Variants in DMTF1 observed in about 807,000 individuals in gnomAD.
The protein encoded by DMTF1 is cyclin-D-binding Myb-like transcription factor 1.
Under a neutral mutation model 91.1 loss-of-function variants are expected in DMTF1, and 39 were observed. The ratio of observed to expected loss-of-function variants is 0.43; its 90% CI spans 0.33 to 0.56. The LOEUF is 0.56. Among genes scored for constraint, DMTF1 ranks in the 20% least tolerant of loss-of-function variants. DMTF1 has a pLI of 0.05. For synonymous variants in DMTF1, 338 were observed against 309.5 expected, an observed-to-expected ratio of 1.09 and a Z score of -0.97; for missense variants, 750 against 914.5, an observed-to-expected ratio of 0.82 and a Z score of 2.32.
chr7:87,179,905 G>A (rs1796975108), intron 8 of DMTF1, among the ~76,000 whole-genome samples: 1 of 152,070 alleles, frequency 6.6e-6, no homozygotes, highest in South Asian at 2.1e-4. Context: ...CTTTATATAG[G>A]TTAGATTTAA....
At chr7:87,154,400 C>T (rs550741507) in intron 1 of DMTF1, 4 of 152,744 alleles carry the variant, frequency 2.6e-5, no homozygotes, top group East Asian at 1.9e-4. Context: ...TTGATAGGCT[C>T]ACCCCAAAAT....
chr7:87,176,039 G>A (rs1796188575), intron 7 of DMTF1, among the ~76,000 whole-genome samples: 1 of 151,924 alleles, frequency 6.6e-6, no homozygotes, highest in South Asian at 2.1e-4. Context: ...AGCATCATTT[G>A]GGGAAGGATG....
chr7:87,188,127 C>G lies in DMTF1; in HGVS notation c.1237C>G (p.Gln413Glu). The G allele has an allele frequency of 6.2e-7, 1 of 1,613,572 alleles. No homozygotes were observed. The highest frequency in any genetic ancestry group is 8.5e-7 in the Non-Finnish European group (1 of 1,179,788). ...IKGLKQLHEN[Q>E]KNNPTLLENK... is the part of the protein sequence containing the mutation. ...AGGTCTTAAACAGTTACATGAGAAC[C>G]AAAAAAACAACCCAACGCTTTTGGA... is the stretch of plus-strand genomic sequence containing the variant. The change falls in exon 13 of 18, where the codon CAA (glutamine) becomes GAA (glutamate). Residue 413 changes from glutamine to glutamate, a missense_variant. Transcript: ENST00000331242.
chr7:87,168,042 A>C (rs754769580), intron 4 of DMTF1, among the ~76,000 whole-genome samples: 5 of 152,326 alleles, frequency 3.3e-5, no homozygotes, highest in Non-Finnish European at 5.9e-5. Flanking sequence ...CAGATAATAG[A>C]GGTATGTTGA....
chr7:87,169,925 G>A (rs1296687004), intron 4 of DMTF1, among the ~76,000 whole-genome samples: 1 of 152,074 alleles, frequency 6.6e-6, no homozygotes, highest in Admixed American at 6.5e-5. Context: ...TCAACTCAAG[G>A]TTTTAAATAC....
chr7:87,153,678 C>T (rs886332776), intron 1 of DMTF1, among the ~76,000 whole-genome samples: 1 of 152,046 alleles, frequency 6.6e-6, no homozygotes, highest in African/African-American at 2.4e-5. Flanking sequence ...TTCTGACAGT[C>T]GAGGCTGCAT....
chr7:87,184,424 G>C lies in DMTF1; in HGVS notation c.848G>C (p.Arg283Thr), dbSNP rs1397624462. The C allele has an allele frequency of 3.7e-6, 6 of 1,613,852 alleles. No homozygotes were observed. The Admixed American group carries it at 5.0e-5, about 13-fold the overall frequency. ...TGKWTEEEEKRLAEVVHELTS... is the reference protein window; with the variant it reads ...TGKWTEEEEKTLAEVVHELTS... ...AAGTGGACAGAAGAAGAAGAAAAGA[G>C]ACTTGCAGAAGTGGTTCATGAGTTG... Residue 283 changes from arginine to threonine, a missense_variant, in exon 11 of 18, where the codon AGA (arginine) becomes ACA (threonine). Coordinates refer to ENST00000331242, the MANE Select transcript of DMTF1 (RefSeq NM_001142327.2).
At chr7:87,159,773 A>G (rs187593699) in intron 1 of DMTF1, among the ~76,000 whole-genome samples, 4 of 152,368 alleles carry the variant, frequency 2.6e-5, no homozygotes, top group Admixed American at 1.3e-4. Flanking sequence ...TAGAAAATAC[A>G]CAGACCTGTA....
chr7:87,184,332 A>G, intron 10 of DMTF1, 65 bp from the exon 11 acceptor site: 2 of 1,442,322 alleles, frequency 1.4e-6, no homozygotes, highest in East Asian at 2.3e-5. Context: ...CCTTGTAAAT[A>G]GAGGGCTGAA....
intron 13 of DMTF1, among the ~76,000 whole-genome samples, chr7:87,189,674 G>A (rs1799295434): frequency 6.6e-6 from 1 of 151,998 alleles, no homozygotes; most frequent in South Asian, 2.1e-4. Flanking sequence ...CGTTTTTTAG[G>A]TTAGGGAACA....
At chr7:87,164,054 T>A (rs1584240513) in intron 2 of DMTF1, among the ~76,000 whole-genome samples, 2 of 73,476 alleles carry the variant, frequency 2.7e-5, no homozygotes, top group East Asian at 4.1e-4. Context: ...ACGCCTTCTC[T>A]AAAAAAAAAA....
Position 87,195,178 on chromosome 7 carries a change from C to A in DMTF1, c.*38C>A. 7.0e-7 allele frequency: 1 copy of A among 1,427,710 alleles called. No homozygotes were observed. Among genetic ancestry groups the A allele is most frequent in the Non-Finnish European group, 9.9e-7 (1 of 1,014,718 alleles). 88.4% of individuals were successfully genotyped at this position (1,427,710 alleles called of 1,614,324 possible). ...AAATAGGCAGTTCAAGCAAAGAAGG[C>A]ACACTGTTAATTACAACCTCTTCAA... On this transcript the variant is annotated 3_prime_UTR_variant, in exon 18 of 18. Coordinates refer to ENST00000331242, the MANE Select transcript of DMTF1 (RefSeq NM_001142327.2).
In DMTF1 at chr7:87,195,704, A is replaced by C. The variant is rs1156450046; in HGVS notation, c.*564A>C. The stretch of plus-strand genomic sequence containing the variant: ...GCTGGCAGTGGGAGCTGATTTAGGC[A>C]GGGTAAACAGGAAAGCATTAAAAGT... On this transcript the variant is annotated 3_prime_UTR_variant, in exon 18 of 18. Coordinates refer to ENST00000331242, the MANE Select transcript of DMTF1 (RefSeq NM_001142327.2). 1 of 152,578 alleles carries C rather than the reference A, an allele frequency of 6.6e-6. No individual in the cohort carries two copies. The highest frequency in any genetic ancestry group is 1.9e-4 in the East Asian group (1 of 5,192). The allele number at this position is 152,578 out of a possible 1,614,324, so 9.5% of individuals were successfully genotyped here.
At chr7:87,169,647 C>A (rs1306883411) in intron 4 of DMTF1, among the ~76,000 whole-genome samples, 2 of 152,180 alleles carry the variant, frequency 1.3e-5, no homozygotes, top group Non-Finnish European at 2.9e-5. Context: ...CAAAGACCTT[C>A]TTGTTGCCAA....
chr7:87,176,851 G>A (rs1279428349), intron 7 of DMTF1, among the ~76,000 whole-genome samples: 1 of 152,032 alleles, frequency 6.6e-6, no homozygotes, highest in Non-Finnish European at 1.5e-5. Context: ...CAGAGAATTC[G>A]AATTAATTGG....
intron 4 of DMTF1, among the ~76,000 whole-genome samples, chr7:87,168,722 G>A (rs949563198): frequency 7.2e-5 from 11 of 152,118 alleles, no homozygotes; most frequent in Non-Finnish European, 4.4e-5. Context: ...AATGGCACAA[G>A]CAGGCTGACT....
chr7:87,158,815 A>G (rs1162650362), intron 1 of DMTF1, among the ~76,000 whole-genome samples: 2 of 152,090 alleles, frequency 1.3e-5, no homozygotes, highest in Non-Finnish European at 2.9e-5. Context: ...ATTCTTAACC[A>G]GTGTCTTCCT....
intron 1 of DMTF1, 133 bp from the exon 2 acceptor site, chr7:87,163,358 AAAAG>A (rs1792995510): frequency 6.6e-6 from 1 of 152,230 alleles, no homozygotes; most frequent in Non-Finnish European, 1.5e-5. Context: ...TTCTGCTTAA[AAAAG>A]AATTCTGGTT....
intron 1 of DMTF1, among the ~76,000 whole-genome samples, chr7:87,157,829 C>T (rs972618258): frequency 4.0e-5 from 6 of 151,170 alleles, no homozygotes; most frequent in Non-Finnish European, 7.4e-5. Context: ...AGTTTTGTAC[C>T]ACACTTAAGG....
Sources: allele counts gnomAD v4.1 joint callset (sites outside exome capture counted in the v4.1 genomes callset), GRCh38; gene constraint gnomAD v4.1.1; transcripts MANE v1.5; gene names NCBI Gene and HGNC (gene_info 2026-07-23, HGNC 2026-07-21).